RANBP2: variants seen among roughly 807,000 people sequenced by gnomAD.
RANBP2 encodes RAN binding protein 2.
A neutral mutation model predicts 303.6 loss-of-function variants in RANBP2; 57 were observed. The observed-to-expected ratio is 0.19, with a 90% CI of 0.15 to 0.23. RANBP2 has a LOEUF of 0.23. Among genes scored for constraint, RANBP2 ranks in the 10% least tolerant of loss-of-function variants. The probability of loss-of-function intolerance (pLI) is 1.00; values close to 1 mark genes in which losing one functional copy is unlikely to be tolerated. For synonymous variants in RANBP2, 1,167 were observed against 1,301.5 expected, an observed-to-expected ratio of 0.90 and a Z score of 2.23; for missense variants, 3,138 against 3,780.8, an observed-to-expected ratio of 0.83 and a Z score of 4.46.
the RANBP2 span, among the ~76,000 whole-genome samples, chr2:108,909,478 G>T: frequency 6.8e-5 from 2 of 29,326 alleles, no homozygotes; most frequent in East Asian, 3.5e-3. Context: ...GGGCAGGAGA[G>T]GAGGGCTTAA....
chr2:109,053,186 T>C, the RANBP2 span, among the ~76,000 whole-genome samples: 2 of 151,992 alleles, frequency 1.3e-5, no homozygotes, highest in African/African-American at 4.8e-5. Context: ...TCTGCACAAA[T>C]CCCCTCCAGC....
the RANBP2 span, among the ~76,000 whole-genome samples, chr2:109,678,108 C>T: frequency 6.6e-6 from 1 of 152,214 alleles, no homozygotes; most frequent in African/African-American, 2.4e-5. Context: ...GCAACACCTC[C>T]CCACTGTTCC....
the RANBP2 span, among the ~76,000 whole-genome samples, chr2:109,039,244 A>G: frequency 6.6e-6 from 1 of 152,158 alleles, no homozygotes; most frequent in Admixed American, 6.5e-5. Flanking sequence ...TGGATTTCAG[A>G]CTTGTCAGTT....
chr2:108,772,019 G>A, intron 21 of RANBP2, 148 bp downstream of exon 21: 2 of 1,058,608 alleles, frequency 1.9e-6, no homozygotes, highest in Non-Finnish European at 2.8e-6. Flanking sequence ...TGTGTAAATG[G>A]TCAATGGATA....
intron 21 of RANBP2, among the ~76,000 whole-genome samples, chr2:108,772,185 C>T (rs890522643): frequency 1.3e-5 from 2 of 152,242 alleles, no homozygotes; most frequent in South Asian, 2.1e-4. Flanking sequence ...CAGTGGAAAA[C>T]TTTGTATGCA....
At chr2:109,075,553 A>G in the RANBP2 span, among the ~76,000 whole-genome samples, 1 of 144,346 alleles carries the variant, frequency 6.9e-6, no homozygotes, top group East Asian at 2.0e-4. Context: ...AAAAAGGTAA[A>G]TAAAATCAAC....
At chr2:109,259,684 G>A in the RANBP2 span, among the ~76,000 whole-genome samples, 2 of 152,208 alleles carry the variant, frequency 1.3e-5, no homozygotes, top group African/African-American at 2.4e-5. Flanking sequence ...TTGCTCTCAC[G>A]GCCTACGGAA....
At chr2:109,125,067 G>A in the RANBP2 span, among the ~76,000 whole-genome samples, 3 of 152,388 alleles carry the variant, frequency 2.0e-5, no homozygotes, top group East Asian at 1.9e-4. Flanking sequence ...AAGCAGTGGA[G>A]GCTACAGTCC....
At chr2:109,743,361 G>A in the RANBP2 span, among the ~76,000 whole-genome samples, 1 of 148,746 alleles carries the variant, frequency 6.7e-6, no homozygotes, top group Non-Finnish European at 1.5e-5. Flanking sequence ...AATGCAAAAT[G>A]ATAAAACTTT....
At chr2:108,791,740 A>G in the RANBP2 span, 1 of 1,606,122 alleles carries the variant, frequency 6.2e-7, no homozygotes, top group Non-Finnish European at 8.5e-7. Context: ...GAGTTAATTG[A>G]AAATGATTAT....
the RANBP2 span, among the ~76,000 whole-genome samples, chr2:109,407,016 A>T: frequency 6.6e-6 from 1 of 152,214 alleles, no homozygotes; most frequent in Admixed American, 6.5e-5. Context: ...TTTCCAAAGT[A>T]AGGCTAGTGT....
the RANBP2 span, among the ~76,000 whole-genome samples, chr2:109,214,622 G>C: frequency 6.6e-6 from 1 of 152,120 alleles, no homozygotes; most frequent in Non-Finnish European, 1.5e-5. Context: ...GAGGACATCT[G>C]AACAGCCCTG....
chr2:108,938,199 C>G, the RANBP2 span, among the ~76,000 whole-genome samples: 1 of 152,188 alleles, frequency 6.6e-6, no homozygotes, highest in African/African-American at 2.4e-5. Context: ...TTCTATTTGA[C>G]TCAACTTTTT....
At chr2:109,711,971 A>G in the RANBP2 span, among the ~76,000 whole-genome samples, 1 of 152,152 alleles carries the variant, frequency 6.6e-6, no homozygotes, top group Non-Finnish European at 1.5e-5. Context: ...AGAGTTTACA[A>G]TGCAGTGCAT....
the RANBP2 span, among the ~76,000 whole-genome samples, chr2:108,859,040 G>A: frequency 2.0e-5 from 3 of 152,156 alleles, no homozygotes; most frequent in African/African-American, 7.2e-5. Flanking sequence ...TATATACCCA[G>A]TAATAGGATT....
chr2:108,879,468 A>G, the RANBP2 span, among the ~76,000 whole-genome samples: 3 of 152,198 alleles, frequency 2.0e-5, no homozygotes, highest in East Asian at 5.8e-4. Context: ...GCAAAATGAG[A>G]AAGAATAAGA....
chr2:108,864,793 C>A, the RANBP2 span, among the ~76,000 whole-genome samples: 82 of 124,994 alleles, frequency 6.6e-4, no homozygotes, highest in Admixed American at 8.4e-4. Flanking sequence ...GACTCCATCT[C>A]AAAAAAAAAA....
the RANBP2 span, chr2:108,856,858 C>T: frequency 6.2e-7 from 1 of 1,612,968 alleles, no homozygotes; most frequent in Non-Finnish European, 8.5e-7. Context: ...AAGGAAAAAC[C>T]TTGTTTTTGG....
chr2:109,183,239 A>G, the RANBP2 span, among the ~76,000 whole-genome samples: 1 of 152,232 alleles, frequency 6.6e-6, no homozygotes. Flanking sequence ...CTCAAAAAGC[A>G]CATCCTGAGA....
Sources: allele counts gnomAD v4.1 joint callset (sites outside exome capture counted in the v4.1 genomes callset), GRCh38; gene constraint gnomAD v4.1.1; transcripts MANE v1.5; gene names NCBI Gene and HGNC (gene_info 2026-07-23, HGNC 2026-07-21).